The following TRIM58 variants were observed in gnomAD, a reference collection of about 807,000 sequenced individuals.
TRIM58 encodes tripartite motif containing 58.
TRIM58 carries 38 observed loss-of-function variants against 34.1 expected under a neutral mutation model. The observed-to-expected ratio is 1.12, with a 90% CI of 0.86 to 1.46. The LOEUF (loss-of-function observed/expected upper bound fraction) is 1.46, where lower values mean the gene tolerates loss of function less well. TRIM58 is among the 40% of genes most tolerant of loss of function. TRIM58 has a pLI of 0.00. For missense variants in TRIM58, 677 were observed against 642.0 expected, an observed-to-expected ratio of 1.05 and a Z score of -0.59; for synonymous variants, 273 against 275.7, an observed-to-expected ratio of 0.99 and a Z score of 0.10.
intron 1 of TRIM58, among the ~76,000 whole-genome samples, chr1:247,857,986 G>C (rs1328153429): frequency 1.3e-5 from 2 of 152,238 alleles, no homozygotes; most frequent in Non-Finnish European, 2.9e-5. Flanking sequence ...CTGGTCGGGA[G>C]GGCTGTGTGG....
intron 5 of TRIM58, among the ~76,000 whole-genome samples, chr1:247,875,079 A>G (rs1278358951): frequency 1.3e-5 from 2 of 152,078 alleles, no homozygotes; most frequent in Non-Finnish European, 2.9e-5. Context: ...TCCTGCTGCC[A>G]CCAACCCAAT....
At chr1:247,867,471 A>T (rs959563472) in intron 3 of TRIM58, among the ~76,000 whole-genome samples, 1 of 152,044 alleles carries the variant, frequency 6.6e-6, no homozygotes, top group Non-Finnish European at 1.5e-5. Context: ...AGGTGGGTGG[A>T]TCACCTGAGG....
Position 247,873,461 on chromosome 1 carries a change from A to G in TRIM58, c.872-2439A>G, listed in dbSNP as rs557567216. 5.3e-5 allele frequency among the ~76,000 whole-genome samples: 8 copies of G among 152,278 alleles called. No individual in the cohort carries two copies. The South Asian group carries it at 1.5e-3, about 28-fold the overall frequency. ...CGGAAGAGGAATGGCTTGGGAATAC[A>G]TGACCTGTTAGATTGTGTTAAATGC... On this transcript the variant is annotated intron_variant, in intron 5 of 5. Coordinates refer to ENST00000366481, the MANE Select transcript of TRIM58 (RefSeq NM_015431.4).
chr1:247,872,564 C>T (rs1020737558), intron 5 of TRIM58, among the ~76,000 whole-genome samples: 17 of 152,198 alleles, frequency 1.1e-4, no homozygotes, highest in South Asian at 8.3e-4. Context: ...GTGGATGTTG[C>T]GATGAGTGCT....
intron 2 of TRIM58, among the ~76,000 whole-genome samples, chr1:247,863,327 C>T (rs1291123249): frequency 6.6e-6 from 1 of 152,076 alleles, no homozygotes; most frequent in Admixed American, 6.6e-5. Flanking sequence ...ATCGTGAGGT[C>T]AGGAGTTTGA....
intron 5 of TRIM58, among the ~76,000 whole-genome samples, chr1:247,870,464 C>T (rs112683514): frequency 1.8e-4 from 10 of 56,564 alleles, no homozygotes; most frequent in African/African-American, 7.7e-4. Context: ...ATCAGAGTCA[C>T]GGCCACCCAT....
Position 247,876,731 on chromosome 1 carries a change from G to T in TRIM58, c.*242G>T. 1 of 483,756 alleles carries T rather than the reference G, an allele frequency of 2.1e-6. No individual in the cohort carries two copies. The highest frequency in any genetic ancestry group is 3.6e-6 in the Non-Finnish European group (1 of 275,118). 30.0% of individuals were successfully genotyped at this position (483,756 alleles called of 1,614,324 possible). ...CTCTATTTCTAGATCACATTTTCTT[G>T]ATGTCTTCCTTCAAATTAATGACCT... On this transcript the variant is annotated 3_prime_UTR_variant, in exon 6 of 6. Transcript: ENST00000366481.
In TRIM58 at chr1:247,864,923, G is replaced by A; in HGVS notation, c.735G>A (p.Leu245=). Residue 245 remains leucine, a synonymous_variant, in exon 3 of 6, where the codon CTG becomes CTA. Transcript: ENST00000366481. ...ELQERCQRPA[L]GLLEGVRGVL... is the part of the protein sequence containing the mutation. ...AGGAGAGGTGCCAGCGCCCGGCCCT[G>A]GGTCTGCTGGAGGTGAGGCCGGGTG... 6.3e-7 allele frequency: 1 copy of A among 1,576,854 alleles called. No homozygotes were observed. The highest frequency in any genetic ancestry group is 8.6e-7 in the Non-Finnish European group (1 of 1,161,664).
intron 5 of TRIM58, among the ~76,000 whole-genome samples, chr1:247,875,547 C>G (rs1376271267): frequency 6.6e-6 from 1 of 151,954 alleles, no homozygotes; most frequent in Non-Finnish European, 1.5e-5. Context: ...CTCTGTCTCT[C>G]TCTCTCTCTC....
rs201133113 is a variant in TRIM58 at position 247,874,023 on chromosome 1, TAGTAGC to T, written c.872-1853_872-1848del. ...AGGCAAATAAGTATAGTGGTAGTGG[TAGTAGC>T]AGTAGCAGTAGCAGTAGCAGTAGAA... On this transcript the variant is annotated intron_variant, in intron 5 of 5. Transcript: ENST00000366481. Among the ~76,000 whole-genome samples the T allele has an allele frequency of 5.9e-3, 894 of 152,234 alleles. 7 individuals carry two copies. The highest frequency in any genetic ancestry group is 6.9e-3 in the Non-Finnish European group (467 of 68,022).
intron 5 of TRIM58, among the ~76,000 whole-genome samples, chr1:247,874,216 G>T (rs1432854761): frequency 1.3e-5 from 2 of 152,200 alleles, no homozygotes; most frequent in Non-Finnish European, 2.9e-5. Flanking sequence ...CATGGTGCTG[G>T]CACCTGTTTC....
intron 2 of TRIM58, among the ~76,000 whole-genome samples, chr1:247,861,989 G>A (rs1022904915): frequency 5.3e-5 from 8 of 152,140 alleles, no homozygotes; most frequent in East Asian, 1.9e-4. Flanking sequence ...TTAGCCAGGC[G>A]TGGTGGCACA....
In TRIM58 at chr1:247,876,169, G is replaced by C; in HGVS notation, c.1141G>C (p.Val381Leu). Reference protein sequence around the residue: ...GETTPSPENGVWALWLLKGNE... With the variant: ...GETTPSPENGLWALWLLKGNE... ...AACCACGCCATCTCCTGAGAATGGG[G>C]TCTGGGCCCTGTGGCTGCTGAAAGG... The change falls in exon 6 of 6, where the codon GTC (valine) becomes CTC (leucine). Residue 381 changes from valine to leucine, a missense_variant. Coordinates refer to ENST00000366481, the MANE Select transcript of TRIM58 (RefSeq NM_015431.4). 2 of 1,614,188 alleles carry C rather than the reference G, an allele frequency of 1.2e-6. No homozygotes were observed. The highest frequency in any genetic ancestry group is 2.2e-5 in the South Asian group (2 of 91,082).
intron 5 of TRIM58, among the ~76,000 whole-genome samples, chr1:247,874,292 C>A: frequency 6.6e-6 from 1 of 152,166 alleles, no homozygotes; most frequent in East Asian, 1.9e-4. Flanking sequence ...TATCACATGG[C>A]AAGAGGGAAG....
At chr1:247,866,693 C>T (rs1663934829) in intron 3 of TRIM58, among the ~76,000 whole-genome samples, 1 of 152,154 alleles carries the variant, frequency 6.6e-6, no homozygotes, top group Non-Finnish European at 1.5e-5. Flanking sequence ...GCCTCAGTCT[C>T]CTAGGATCAG....
chr1:247,864,545 T>C (rs1663872158), intron 2 of TRIM58, among the ~76,000 whole-genome samples, 160 bp from the exon 3 acceptor site: 1 of 152,190 alleles, frequency 6.6e-6, no homozygotes, highest in Admixed American at 6.6e-5. Flanking sequence ...CTACTTCTTA[T>C]ATGAATGGAC....
chr1:247,862,811 T>C (rs1447071525), intron 2 of TRIM58, among the ~76,000 whole-genome samples: 1 of 152,220 alleles, frequency 6.6e-6, no homozygotes, highest in East Asian at 1.9e-4. Flanking sequence ...AAAGTTATTC[T>C]AAATACTGCA....
At position 247,857,635 on chromosome 1, in the gene TRIM58, C is replaced by T; in HGVS notation, c.389C>T (p.Ala130Val). The change falls in exon 1 of 6, where the codon GCG (alanine) becomes GTG (valine). Residue 130 changes from alanine to valine, a missense_variant. Transcript: ENST00000366481. ...CCCGAGCACAGGACGCACCGCACGG[C>T]GCCGCTGCAGGAGGCCGCCGGCAGC... is the stretch of plus-strand genomic sequence containing the variant. ...AGPEHRTHRT[A>V]PLQEAAGSYQ... is the part of the protein sequence containing the mutation. 8.1e-7 allele frequency: 1 copy of T among 1,239,664 alleles called. No individual in the cohort carries two copies. The highest frequency in any genetic ancestry group is 3.4e-5 in the South Asian group (1 of 29,334). The allele number at this position is 1,239,664 out of a possible 1,614,324, so 76.8% of individuals were successfully genotyped here. A position where few individuals can be genotyped will look rare whatever the true frequency, so the allele number is the denominator to read the frequency against.
At chr1:247,860,283 G>A (rs927498618) in intron 1 of TRIM58, among the ~76,000 whole-genome samples, 2 of 152,068 alleles carry the variant, frequency 1.3e-5, no homozygotes, top group South Asian at 2.1e-4. Context: ...GGGCAATATA[G>A]TAAGACCCCA....
Sources: allele counts gnomAD v4.1 joint callset (sites outside exome capture counted in the v4.1 genomes callset), GRCh38; gene constraint gnomAD v4.1.1; transcripts MANE v1.5; gene names NCBI Gene and HGNC (gene_info 2026-07-23, HGNC 2026-07-21).